The following GLDN variants were observed in gnomAD, a reference collection of about 807,000 sequenced individuals.
GLDN encodes collomin.
In GLDN, 47 loss-of-function variants were observed where a neutral mutation model predicts 56.5. That is an observed-to-expected ratio of 0.83 (90% CI 0.66 to 1.06). The LOEUF is 1.06. Ranked by LOEUF, GLDN falls within the 50% of genes least tolerant of loss-of-function variation. The pLI is 0.00. For missense variants in GLDN, 782 were observed against 714.3 expected (o/e 1.09, Z -1.08); for synonymous variants, 332 against 278.8 (o/e 1.19, Z -1.90).
Position 51,341,993 on chromosome 15 carries a change from T to C in GLDN, c.309T>C (p.His103=). Residue 103 remains histidine, a synonymous_variant, in exon 1 of 10, where the codon CAT becomes CAC. Transcript: ENST00000335449. ...KRSHSGEPAP[H]IRAESHDMLM... ...GCCACAGCGGCGAGCCCGCGCCGCA[T>C]ATCCGCGCCGAGAGCCATGACATGC... is the stretch of plus-strand genomic sequence containing the variant. 6.3e-7 allele frequency: 1 copy of C among 1,597,834 alleles called. No individual in the cohort carries two copies. The highest frequency in any genetic ancestry group is 8.5e-7 in the Non-Finnish European group (1 of 1,179,502).
At chr15:51,382,136 CAT>C (rs1286775177) in intron 2 of GLDN, among the ~76,000 whole-genome samples, 2 of 152,196 alleles carry the variant, frequency 1.3e-5, no homozygotes, top group Non-Finnish European at 2.9e-5. Flanking sequence ...TGCCAGACCT[CAT>C]CTGCTGCCAT....
At chr15:51,385,643 A>G (rs779269916) in intron 4 of GLDN, 2 of 152,252 alleles carry the variant, frequency 1.3e-5, no homozygotes, top group Non-Finnish European at 2.9e-5. Context: ...GAGGTGGTAC[A>G]TTTAGATTGG....
chr15:51,389,481 G>A (rs1158042015), intron 4 of GLDN, among the ~76,000 whole-genome samples: 1 of 152,136 alleles, frequency 6.6e-6, no homozygotes, highest in African/African-American at 2.4e-5. Flanking sequence ...TTCATAGGAG[G>A]CAATACTGCC....
At chr15:51,348,116 A>T (rs2037010312) in intron 1 of GLDN, among the ~76,000 whole-genome samples, 1 of 152,038 alleles carries the variant, frequency 6.6e-6, no homozygotes, top group Admixed American at 6.6e-5. Flanking sequence ...TTATGGGAGT[A>T]AAAAGGGCCT....
chr15:51,354,474 G>C (rs535132392), intron 1 of GLDN, among the ~76,000 whole-genome samples: 17 of 152,268 alleles, frequency 1.1e-4, no homozygotes, highest in African/African-American at 4.1e-4. Flanking sequence ...GAAAGCATGG[G>C]GGCACTGAAG....
At chr15:51,394,106 A>G (rs549694390) in intron 4 of GLDN, among the ~76,000 whole-genome samples, 3 of 152,352 alleles carry the variant, frequency 2.0e-5, no homozygotes, top group African/African-American at 7.2e-5. Flanking sequence ...AGTAAGGATG[A>G]CTGCCTAGCC....
chr15:51,362,954 GA>G (rs1381698495), intron 1 of GLDN, among the ~76,000 whole-genome samples: 2 of 120,276 alleles, frequency 1.7e-5, no homozygotes, highest in Non-Finnish European at 3.5e-5. Flanking sequence ...TGTGATGTGA[GA>G]GGGGAAAAAA....
In GLDN at chr15:51,407,170, T is replaced by C. The variant is rs2038401436; in HGVS notation, c.*2416T>C. The C allele has an allele frequency of 6.6e-6, 1 of 152,102 alleles. No homozygotes were observed. Among genetic ancestry groups the C allele is most frequent in the Admixed American group, 6.6e-5 (1 of 15,258 alleles). The allele number at this position is 152,102 out of a possible 1,614,324, so 9.4% of individuals were successfully genotyped here. A position where few individuals can be genotyped will look rare whatever the true frequency, so the allele number is the denominator to read the frequency against. ...GGACTTTTTTTCTTTTTTCTTTTTT[T>C]TTTGCTATGACAGAGTAATGCTAAC... is the stretch of plus-strand genomic sequence containing the variant. On this transcript the variant is annotated 3_prime_UTR_variant, in exon 10 of 10. Coordinates refer to ENST00000335449, the MANE Select transcript of GLDN (RefSeq NM_181789.4).
intron 1 of GLDN, 67 bp downstream of exon 1, chr15:51,342,114 C>T (rs1566932532): frequency 1.3e-6 from 2 of 1,568,018 alleles, no homozygotes; most frequent in Non-Finnish European, 1.7e-6. Flanking sequence ...GGGGCGAGGA[C>T]GCCGACGCCC....
chr15:51,402,741 G>A (rs946628414), intron 9 of GLDN, among the ~76,000 whole-genome samples: 2 of 152,138 alleles, frequency 1.3e-5, no homozygotes, highest in Non-Finnish European at 2.9e-5. Context: ...AGAATGGGGC[G>A]AGTTTCCTAG....
intron 1 of GLDN, among the ~76,000 whole-genome samples, chr15:51,370,897 C>A (rs2037502693): frequency 6.6e-6 from 1 of 152,034 alleles, no homozygotes; most frequent in Non-Finnish European, 1.5e-5. Flanking sequence ...AAGGCTGAGG[C>A]AGGAGAATTG....
intron 9 of GLDN, among the ~76,000 whole-genome samples, chr15:51,402,917 T>C (rs914566839): frequency 2.0e-5 from 3 of 151,712 alleles, no homozygotes; most frequent in African/African-American, 7.3e-5. Context: ...AAAAGACAAC[T>C]GACCTACCAC....
At position 51,342,058 on chromosome 15, in the gene GLDN, T is replaced by G. The variant is rs2446421; in HGVS notation, c.363+11T>G. ...TACTCCATGGTGCCGGTAGGCGGGG[T>G]CTCTGTTCCCCGTGGCGCCCCGGCC... is the stretch of plus-strand genomic sequence containing the variant. On this transcript the variant is annotated intron_variant, in intron 1 of 9. Transcript: ENST00000335449. 0.48 allele frequency: 756,590 copies of G among 1,589,880 alleles called. 188,404 individuals carry two copies. The highest frequency in any genetic ancestry group is 0.85 in the African/African-American group (62,955 of 73,794).
At chr15:51,383,297 A>G in intron 2 of GLDN, 139 bp from the exon 3 acceptor site, 1 of 920,794 alleles carries the variant, frequency 1.1e-6, no homozygotes, top group South Asian at 1.7e-5. Flanking sequence ...CTTTTGGCCA[A>G]ATATAACGAG....
intron 4 of GLDN, among the ~76,000 whole-genome samples, chr15:51,389,823 C>G (rs536914284): frequency 1.4e-3 from 208 of 152,234 alleles, no homozygotes; most frequent in Admixed American, 3.1e-3. Flanking sequence ...CTAGTGGGGA[C>G]CCTGGCTAGA....
At chr15:51,389,715 G>A (rs2037974742) in intron 4 of GLDN, among the ~76,000 whole-genome samples, 1 of 152,142 alleles carries the variant, frequency 6.6e-6, no homozygotes, top group African/African-American at 2.4e-5. Context: ...TGTTTTTTAT[G>A]AGAATTTGAT....
At chr15:51,393,721 T>C (rs1002647144) in intron 4 of GLDN, among the ~76,000 whole-genome samples, 1 of 152,224 alleles carries the variant, frequency 6.6e-6, no homozygotes, top group African/African-American at 2.4e-5. Context: ...CTTCTCCCTG[T>C]GCCACTGGGA....
intron 1 of GLDN, chr15:51,360,156 G>A (rs940572304): frequency 6.6e-5 from 10 of 152,142 alleles, no homozygotes; most frequent in African/African-American, 2.2e-4. Context: ...TGGCAACTTC[G>A]GTGTTTTGTA....
intron 4 of GLDN, among the ~76,000 whole-genome samples, chr15:51,391,878 A>C (rs2038029439): frequency 6.6e-6 from 1 of 152,006 alleles, no homozygotes; most frequent in African/African-American, 2.4e-5. Context: ...CAAGCTTACC[A>C]CTGGTAGTGG....
Sources: gnomAD v4.1 joint callset for allele counts (sites outside exome capture counted in the v4.1 genomes callset) on GRCh38, gnomAD v4.1.1 for gene constraint, MANE v1.5 for transcripts, NCBI Gene and HGNC (gene_info 2026-07-23, HGNC 2026-07-21) for gene names.